The following ADGRV1 variants were observed in gnomAD, a reference collection of about 807,000 sequenced individuals.
The protein encoded by ADGRV1 is G-protein coupled receptor 98.
Under a neutral mutation model 596.2 loss-of-function variants are expected in ADGRV1, and 359 were observed. The observed-to-expected ratio is 0.60, with a 90% CI of 0.55 to 0.66. ADGRV1 has a LOEUF of 0.66. Ranked by LOEUF, ADGRV1 falls within the 30% of genes least tolerant of loss-of-function variation. The probability of loss-of-function intolerance (pLI) is 0.00; values close to 1 mark genes in which losing one functional copy is unlikely to be tolerated. For synonymous variants in ADGRV1, 2,681 were observed against 2,679.2 expected, an observed-to-expected ratio of 1.00 and a Z score of -0.02; for missense variants, 7,274 against 7,575.6, an observed-to-expected ratio of 0.96 and a Z score of 1.48.
intron 87 of ADGRV1, among the ~76,000 whole-genome samples, chr5:91,106,482 A>G (rs565318401): frequency 2.0e-4 from 30 of 152,212 alleles, no homozygotes; most frequent in Non-Finnish European, 2.8e-4. Flanking sequence ...TTAAGATTTT[A>G]TTTTATATTT....
At position 90,778,592 on chromosome 5, in the gene ADGRV1, G is replaced by A. The variant is rs368034729; in HGVS notation, c.12832G>A (p.Val4278Met). ...RFAFSHEQLR[V>M]SEAQRVNITI... is the part of the protein sequence containing the mutation. ...TGCCTTTTCACATGAGCAACTTCGA[G>A]TGTCAGAAGCACAGAGGGTATAGTA... Residue 4278 changes from valine to methionine, a missense_variant, in exon 63 of 90, where the codon GTG becomes ATG. Around this residue, in one of 5 missense-constraint regions of ADGRV1, gnomAD observed 3,643 missense variants for 3,809.2 expected, o/e 0.96. Transcript: ENST00000405460. 2 of 1,601,170 alleles carry A rather than the reference G, an allele frequency of 1.2e-6. No homozygotes were observed. Among genetic ancestry groups the A allele is most frequent in the African/African-American group, 1.3e-5 (1 of 74,358 alleles).
intron 78 of ADGRV1, 89 bp downstream of exon 78, chr5:90,841,074 C>A: frequency 1.2e-6 from 1 of 848,506 alleles, no homozygotes; most frequent in Non-Finnish European, 1.7e-6. Context: ...TCTCTTTTAA[C>A]ATTGGTTATT....
intron 58 of ADGRV1, among the ~76,000 whole-genome samples, chr5:90,761,931 C>A (rs1029527744): frequency 1.3e-5 from 2 of 152,120 alleles, no homozygotes; most frequent in African/African-American, 4.8e-5. Flanking sequence ...TATCTTTTAA[C>A]CTTAATAAGA....
intron 86 of ADGRV1, among the ~76,000 whole-genome samples, chr5:91,085,720 A>G (rs1394685795): frequency 6.6e-6 from 1 of 152,156 alleles, no homozygotes; most frequent in Non-Finnish European, 1.5e-5. Flanking sequence ...ACTGCCTCAC[A>G]TCTTAAATAT....
chr5:90,589,877 C>CA (rs1759247878), intron 1 of ADGRV1, among the ~76,000 whole-genome samples: 1 of 151,882 alleles, frequency 6.6e-6, no homozygotes. Flanking sequence ...AAAGAAACAC[C>CA]AAAATTACTG....
intron 84 of ADGRV1, among the ~76,000 whole-genome samples, chr5:90,973,888 A>T (rs1213157011): frequency 3.9e-5 from 6 of 152,208 alleles, no homozygotes; most frequent in Admixed American, 3.3e-4. Flanking sequence ...AGGGTATTCA[A>T]TTAGGAAAAG....
intron 87 of ADGRV1, among the ~76,000 whole-genome samples, chr5:91,137,886 A>G (rs1242879215): frequency 3.3e-5 from 5 of 152,242 alleles, no homozygotes; most frequent in African/African-American, 1.2e-4. Context: ...AAAGATGATT[A>G]AGAGAGAACT....
intron 83 of ADGRV1, among the ~76,000 whole-genome samples, chr5:90,928,705 G>T (rs576453170): frequency 6.6e-6 from 1 of 150,454 alleles, no homozygotes; most frequent in Non-Finnish European, 1.5e-5. Context: ...GAGGAGAGGC[G>T]CTCTGCTTTT....
rs727504706 is a variant in ADGRV1, at chr5:90,789,727, G to A, written c.13919G>A (p.Gly4640Glu). ...ATACAAGAGTTTGGTGACCCAAATG[G>A]AGTTGTTCAGTTTGCTCCTGAAACT... ...LTIQEFGDPN[G>E]VVQFAPETLS... Residue 4640 changes from glycine (G) to glutamate (E), a missense_variant, in exon 69 of 90, where the codon GGA (glycine) becomes GAA (glutamate). Transcript: ENST00000405460. 38 of 1,557,594 alleles carry A rather than the reference G, an allele frequency of 2.4e-5. No homozygotes were observed. The Middle Eastern group carries it at 2.7e-3, about 110-fold the overall frequency.
At chr5:90,588,965 T>G (rs1759126541) in intron 1 of ADGRV1, among the ~76,000 whole-genome samples, 1 of 152,156 alleles carries the variant, frequency 6.6e-6, no homozygotes, top group Non-Finnish European at 1.5e-5. Context: ...AATCAGGAAT[T>G]AAAAGAGCAT....
intron 85 of ADGRV1, among the ~76,000 whole-genome samples, chr5:91,017,360 G>C (rs1164547818): frequency 6.6e-6 from 1 of 151,462 alleles, no homozygotes; most frequent in Non-Finnish European, 1.5e-5. Context: ...AAAAAAAAAT[G>C]ATAAATTTTC....
intron 88 of ADGRV1, among the ~76,000 whole-genome samples, chr5:91,151,869 C>T (rs1796091396): frequency 6.6e-6 from 1 of 152,212 alleles, no homozygotes; most frequent in African/African-American, 2.4e-5. Flanking sequence ...AGATGTTCAA[C>T]TTCCTAGTGA....
intron 16 of ADGRV1, among the ~76,000 whole-genome samples, chr5:90,646,825 G>T (rs1356907236): frequency 6.7e-6 from 1 of 149,376 alleles, no homozygotes; most frequent in Non-Finnish European, 1.5e-5. Context: ...CCAGGCTGGA[G>T]TGCAGCGGCG....
intron 85 of ADGRV1, among the ~76,000 whole-genome samples, chr5:91,045,729 A>G (rs572840508): frequency 2.0e-5 from 3 of 152,300 alleles, no homozygotes; most frequent in East Asian, 1.9e-4. Flanking sequence ...GAGGAGGTCA[A>G]ACTGTTGCTG....
chr5:90,856,562 T>C (rs557433644), intron 82 of ADGRV1, among the ~76,000 whole-genome samples: 7 of 152,336 alleles, frequency 4.6e-5, no homozygotes, highest in Non-Finnish European at 8.8e-5. Flanking sequence ...TATAATTCTA[T>C]ACCCCACCCT....
intron 75 of ADGRV1, among the ~76,000 whole-genome samples, chr5:90,821,805 A>C (rs1226999003): frequency 1.3e-5 from 2 of 152,008 alleles, no homozygotes; most frequent in African/African-American, 4.8e-5. Context: ...TGGGAGAACC[A>C]CTGCTCTCTT....
chr5:90,942,558 A>G (rs562238529), intron 83 of ADGRV1, among the ~76,000 whole-genome samples: 1 of 152,274 alleles, frequency 6.6e-6, no homozygotes, highest in Admixed American at 6.5e-5. Context: ...CTTTTTCTAG[A>G]TCAGGGATTA....
chr5:91,031,428 G>A (rs962866034), intron 85 of ADGRV1: 1 of 788,046 alleles, frequency 1.3e-6, no homozygotes, highest in African/African-American at 1.7e-5. Flanking sequence ...CCCATGGCCA[G>A]CATTAAAGAG....
chr5:90,981,635 TCCTGCCTTGTG>T (rs1448774541), intron 84 of ADGRV1, among the ~76,000 whole-genome samples: 1 of 152,204 alleles, frequency 6.6e-6, no homozygotes, highest in Non-Finnish European at 1.5e-5. Context: ...CAGGGCTGGT[TCCTGCCTTGTG>T]CCCTGAGCTG....
Sources: allele counts gnomAD v4.1 joint callset (sites outside exome capture counted in the v4.1 genomes callset), GRCh38; gene constraint gnomAD v4.1.1; regional missense constraint gnomAD v4.1.1; transcripts MANE v1.5; gene names NCBI Gene and HGNC (gene_info 2026-07-23, HGNC 2026-07-21).